FRZB: variants seen among roughly 807,000 people sequenced by gnomAD.
FRZB encodes the protein frizzled related protein.
FRZB carries 34 observed loss-of-function variants against 32.5 expected under a neutral mutation model. That is an observed-to-expected ratio of 1.05 (90% CI 0.80 to 1.39). The LOEUF (loss-of-function observed/expected upper bound fraction) is 1.39, where lower values mean the gene tolerates loss of function less well. FRZB is among the 40% of genes most tolerant of loss of function. The pLI is 0.00. For synonymous variants in FRZB, 170 were observed against 159.2 expected (o/e 1.07, Z -0.51); for missense variants, 423 against 424.8 (o/e 1.00, Z 0.04).
At chr2:182,863,677 T>C (rs1695858853) in intron 1 of FRZB, among the ~76,000 whole-genome samples, 2 of 132,314 alleles carry the variant, frequency 1.5e-5, no homozygotes, top group South Asian at 2.4e-4. Flanking sequence ...TTATACCCAG[T>C]TGAATAAGAA....
intron 1 of FRZB, among the ~76,000 whole-genome samples, chr2:182,865,411 T>A (rs1695879597): frequency 1.3e-5 from 2 of 152,262 alleles, no homozygotes; most frequent in South Asian, 4.1e-4. Context: ...CATAGCAATG[T>A]TTCACAATTG....
chr2:182,854,877 G>T (rs969267207), intron 2 of FRZB, among the ~76,000 whole-genome samples: 1 of 152,204 alleles, frequency 6.6e-6, no homozygotes, highest in African/African-American at 2.4e-5. Context: ...ACTGAAAAGT[G>T]CAAGGGAGAT....
At chr2:182,848,083 A>ACC (rs1559048590) in intron 2 of FRZB, among the ~76,000 whole-genome samples, 3 of 150,544 alleles carry the variant, frequency 2.0e-5, no homozygotes, top group Non-Finnish European at 4.4e-5. Flanking sequence ...AAAAAAAAAA[A>ACC]AAAAACAGCA....
At chr2:182,859,938 A>G (rs146079234) in intron 1 of FRZB, among the ~76,000 whole-genome samples, 102 of 152,350 alleles carry the variant, frequency 6.7e-4, no homozygotes, top group African/African-American at 2.3e-3. Flanking sequence ...TGATAAATGT[A>G]CCCAAGTATT....
At chr2:182,849,156 G>A (rs539111112) in intron 2 of FRZB, among the ~76,000 whole-genome samples, 1 of 152,128 alleles carries the variant, frequency 6.6e-6, no homozygotes, top group Admixed American at 6.5e-5. Flanking sequence ...GAACCCGGGG[G>A]GTGGAGCTTG....
intron 3 of FRZB, among the ~76,000 whole-genome samples, chr2:182,840,166 C>G (rs1377325330): frequency 5.3e-5 from 8 of 152,034 alleles, no homozygotes; most frequent in African/African-American, 1.7e-4. Flanking sequence ...GCAAGTGGAG[C>G]CTCTTTCTAT....
At chr2:182,846,113 C>T (rs1282313592) in intron 2 of FRZB, among the ~76,000 whole-genome samples, 1 of 152,094 alleles carries the variant, frequency 6.6e-6, no homozygotes, top group African/African-American at 2.4e-5. Context: ...TACAAATATG[C>T]TCATTTATTT....
intron 2 of FRZB, among the ~76,000 whole-genome samples, chr2:182,851,810 T>C (rs1695713375): frequency 1.3e-5 from 2 of 152,118 alleles, no homozygotes; most frequent in Admixed American, 1.3e-4. Context: ...AAAATGATAA[T>C]TCAGCCTATG....
chr2:182,862,566 T>G (rs1695844862), intron 1 of FRZB, among the ~76,000 whole-genome samples: 2 of 152,194 alleles, frequency 1.3e-5, no homozygotes, highest in Non-Finnish European at 2.9e-5. Context: ...AAAGCTTTTT[T>G]GTTTTGTTTT....
intron 5 of FRZB, among the ~76,000 whole-genome samples, 171 bp from the exon 6 acceptor site, chr2:182,835,136 A>G (rs1222464192): frequency 6.6e-6 from 1 of 152,162 alleles, no homozygotes; most frequent in Non-Finnish European, 1.5e-5. Flanking sequence ...TGCAATATGA[A>G]CATTATTCTC....
chr2:182,836,814 C>T (rs1043940421), intron 5 of FRZB, among the ~76,000 whole-genome samples: 1 of 151,974 alleles, frequency 6.6e-6, no homozygotes, highest in African/African-American at 2.4e-5. Flanking sequence ...GAGAGAATGC[C>T]CGCAAGTCTG....
chr2:182,862,261 C>T (rs892486126), intron 1 of FRZB, among the ~76,000 whole-genome samples: 1 of 152,202 alleles, frequency 6.6e-6, no homozygotes, highest in Admixed American at 6.5e-5. Flanking sequence ...TTAACACTGC[C>T]CCAGAAGCCA....
intron 3 of FRZB, among the ~76,000 whole-genome samples, chr2:182,841,856 C>T (rs1695589428): frequency 6.6e-6 from 1 of 152,106 alleles, no homozygotes; most frequent in South Asian, 2.1e-4. Flanking sequence ...GTCCCTGATG[C>T]AAAAATGGCA....
chr2:182,836,756 A>T (rs1317681163), intron 5 of FRZB, among the ~76,000 whole-genome samples: 1 of 152,080 alleles, frequency 6.6e-6, no homozygotes, highest in African/African-American at 2.4e-5. Flanking sequence ...ACTGAACAAG[A>T]GCCACTTTTT....
intron 1 of FRZB, 28 bp from the exon 2 acceptor site, chr2:182,858,861 T>C: frequency 6.4e-7 from 1 of 1,559,914 alleles, no homozygotes; most frequent in Non-Finnish European, 8.8e-7. Context: ...AAAAAAGAAC[T>C]ATAACATATC....
intron 2 of FRZB, among the ~76,000 whole-genome samples, chr2:182,852,617 T>C (rs1394470195): frequency 2.6e-5 from 4 of 152,184 alleles, no homozygotes; most frequent in Non-Finnish European, 4.4e-5. Context: ...AAGCAGAAAA[T>C]TGGAAGAATT....
chr2:182,845,165 T>C lies in FRZB; in HGVS notation c.527-2622A>G, dbSNP rs1322847244. Among the ~76,000 whole-genome samples, 3 of 152,170 alleles carry C rather than the reference T, an allele frequency of 2.0e-5. No individual in the cohort carries two copies. In the East Asian group the frequency reaches 5.8e-4, roughly 29 times the overall value. On this transcript the variant is annotated intron_variant, in intron 2 of 5. Transcript: ENST00000295113. ...CAATAGATCTGAAACATAATCCTCA[T>C]CTGAATTATGTTTACACACATCAAC... is the stretch of plus-strand genomic sequence containing the variant.
At chr2:182,847,600 G>T (rs1695660213) in intron 2 of FRZB, among the ~76,000 whole-genome samples, 1 of 152,188 alleles carries the variant, frequency 6.6e-6, no homozygotes, top group Admixed American at 6.5e-5. Flanking sequence ...GGAGAGAAAG[G>T]TACTGATATT....
intron 1 of FRZB, 78 bp downstream of exon 1, chr2:182,865,997 A>C (rs1406025420): frequency 5.4e-6 from 6 of 1,112,976 alleles, no homozygotes; most frequent in Non-Finnish European, 6.6e-6. Flanking sequence ...AAAATTAGAG[A>C]GTAAAGGCTA....
Sources: gnomAD v4.1 joint callset for allele counts (sites outside exome capture counted in the v4.1 genomes callset) on GRCh38, gnomAD v4.1.1 for gene constraint, MANE v1.5 for transcripts, NCBI Gene and HGNC (gene_info 2026-07-23, HGNC 2026-07-21) for gene names.